The following EVC variants were observed in gnomAD, a reference collection of about 807,000 sequenced individuals.
EVC encodes the protein evC complex member EVC.
Under a neutral mutation model 118.9 loss-of-function variants are expected in EVC, and 116 were observed. That is an observed-to-expected ratio of 0.98 (90% CI 0.84 to 1.14). The LOEUF is 1.14. Ranked by LOEUF, EVC falls within the 50% of genes most tolerant of loss-of-function variation. The pLI is 0.00. For missense variants in EVC, 1,401 were observed against 1,246.4 expected, an observed-to-expected ratio of 1.12 and a Z score of -1.87; for synonymous variants, 619 against 534.7, an observed-to-expected ratio of 1.16 and a Z score of -2.18.
chr4:5,720,476 C>T lies in EVC; in HGVS notation c.300+1103C>T, dbSNP rs578115918. Among the ~76,000 whole-genome samples the T allele has an allele frequency of 1.3e-4, 20 of 152,206 alleles. No homozygotes were observed. In the South Asian group the frequency reaches 3.9e-3, roughly 30 times the overall value. ...AGTGCTGCGTCCCCACACCCAACTT[C>T]TAGCCTCTGCTCCTTTCCAACCTGT... On this transcript the variant is annotated intron_variant, in intron 2 of 20. Transcript: ENST00000264956.
At chr4:5,828,078 G>A in the EVC span, 1 of 985,414 alleles carries the variant, frequency 1.0e-6, no homozygotes, top group Non-Finnish European at 1.2e-6. Context: ...TTGCTCCACA[G>A]GGCCAGACCC....
chr4:5,748,354 G>A, intron 8 of EVC, 48 bp downstream of exon 8: 1 of 1,605,848 alleles, frequency 6.2e-7, no homozygotes, highest in Non-Finnish European at 8.5e-7. Flanking sequence ...TCAGACTAGA[G>A]ATATGGAATC....
At chr4:5,741,628 A>G in intron 5 of EVC, 88 bp from the exon 6 acceptor site, 1 of 723,628 alleles carries the variant, frequency 1.4e-6, no homozygotes, top group Non-Finnish European at 2.5e-6. Context: ...GCAGTGGGGG[A>G]GGGAGGGAGA....
At chr4:5,740,867 C>T (rs764205915) in intron 5 of EVC, among the ~76,000 whole-genome samples, 2 of 152,122 alleles carry the variant, frequency 1.3e-5, no homozygotes, top group African/African-American at 2.4e-5. Flanking sequence ...GCATGAAAAT[C>T]CAAGTTGAAC....
intron 8 of EVC, chr4:5,752,630 C>A: frequency 4.6e-6 from 3 of 655,754 alleles, no homozygotes; most frequent in East Asian, 2.7e-5. Context: ...CCTCCCCGCA[C>A]CCTAGGAGAG....
At chr4:5,772,547 A>G (rs891704887) in intron 11 of EVC, among the ~76,000 whole-genome samples, 3 of 151,780 alleles carry the variant, frequency 2.0e-5, no homozygotes, top group Admixed American at 6.5e-5. Context: ...GAAGTCCAAC[A>G]TCCTTAATCT....
intron 11 of EVC, among the ~76,000 whole-genome samples, chr4:5,769,430 C>T (rs1262324842): frequency 6.6e-6 from 1 of 152,052 alleles, no homozygotes; most frequent in Non-Finnish European, 1.5e-5. Context: ...CATATCATAA[C>T]CTAATGGTTC....
In EVC at chr4:5,749,674, T is replaced by C. The variant is rs16837625; in HGVS notation, c.1098+1368T>C. On this transcript the variant is annotated intron_variant, in intron 8 of 20. Transcript: ENST00000264956. The surrounding 1 kb of genome is among the most constrained non-coding windows in gnomAD (Gnocchi z 4.4). ...TCATCCTGTGTGCGCCAGTGTGTAC[T>C]AGGGCCAGGGAACGAGCCCTCTGAT... Among the ~76,000 whole-genome samples, 752 of 152,278 alleles carry C rather than the reference T, an allele frequency of 4.9e-3. 21 individuals carry two copies. In the East Asian group the frequency reaches 0.081, roughly 16 times the overall value.
intron 4 of EVC, among the ~76,000 whole-genome samples, chr4:5,733,136 A>T (rs1472723766): frequency 6.6e-6 from 1 of 152,134 alleles, no homozygotes; most frequent in African/African-American, 2.4e-5. Flanking sequence ...TGTCTCTGAC[A>T]CCAACTGTTC....
At chr4:5,824,244 C>A in the EVC span, 1 of 973,118 alleles carries the variant, frequency 1.0e-6, no homozygotes, top group Non-Finnish European at 1.2e-6. Flanking sequence ...AGCTTTTTCC[C>A]AGGATGAAGC....
Position 5,761,941 on chromosome 4 carries a change from G to A in EVC, c.1563+5579G>A, listed in dbSNP as rs940401246. Among the ~76,000 whole-genome samples the A allele has an allele frequency of 2.7e-4, 41 of 151,266 alleles. 2 individuals carry two copies. Among genetic ancestry groups the A allele is most frequent in the Non-Finnish European group, 1.0e-4 (7 of 67,946 alleles). ...TTATTATTTAAGTTTTAGGGTACAT[G>A]TGCACAATGTGCAGGTTAGTTACAT... On this transcript the variant is annotated intron_variant, in intron 11 of 20. Coordinates refer to ENST00000264956, the MANE Select transcript of EVC (RefSeq NM_153717.3).
Position 5,731,546 on chromosome 4 carries a change from A to T in EVC, c.506A>T (p.Lys169Met), listed in dbSNP as rs1184442129. 6.2e-7 allele frequency: 1 copy of T among 1,614,076 alleles called. No individual in the cohort carries two copies. The highest frequency in any genetic ancestry group is 1.7e-5 in the Admixed American group (1 of 60,004). ...SSLGSLSQGE[K>M]DDCSSSSSVH... is the part of the protein sequence containing the mutation. ...CTGGGGAGCCTGAGCCAGGGTGAGA[A>T]GGACGACTGCAGCTCCTCATCCAGC... Residue 169 changes from lysine to methionine, a missense_variant, in exon 4 of 21, where the codon AAG becomes ATG. Coordinates refer to ENST00000264956, the MANE Select transcript of EVC (RefSeq NM_153717.3). This position sits in a 1 kb window ranked among gnomAD's most constrained non-coding sequence, Gnocchi z 5.6.
chr4:5,752,920 T>G lies in EVC; in HGVS notation c.1183T>G (p.Cys395Gly). Residue 395 changes from cysteine to glycine, a missense_variant, in exon 9 of 21, where the codon TGC becomes GGC. Physicochemically the swap from Cys to Gly is radical, Grantham distance 159. Coordinates refer to ENST00000264956, the MANE Select transcript of EVC (RefSeq NM_153717.3). ...GCTGCAAGTCCAGGAGGAGACCAGG[T>G]GCCGGCTGGCTGCCATCTCCCACGG... ...LKLQVQEETR[C>G]RLAAISHGLE... The G allele has an allele frequency of 6.2e-7, 1 of 1,614,140 alleles. No individual in the cohort carries two copies. The highest frequency in any genetic ancestry group is 8.5e-7 in the Non-Finnish European group (1 of 1,180,028).
intron 11 of EVC, among the ~76,000 whole-genome samples, chr4:5,767,121 A>G (rs1353269620): frequency 6.6e-6 from 1 of 151,324 alleles, no homozygotes; most frequent in Non-Finnish European, 1.5e-5. Context: ...CTTCTAACAG[A>G]CAGGACCCTC....
intron 11 of EVC, among the ~76,000 whole-genome samples, chr4:5,775,244 C>A (rs568620931): frequency 0.021 from 3,240 of 152,218 alleles, 110 homozygotes; most frequent in African/African-American, 0.067. Context: ...AGTGTTTTTA[C>A]TGTGAAATAT....
chr4:5,758,164 G>A (rs1213850187), intron 11 of EVC: 14 of 701,228 alleles, frequency 2.0e-5, no homozygotes, highest in East Asian at 2.7e-5. Context: ...GCCACAAGCC[G>A]AGGAACACCT....
intron 16 of EVC, among the ~76,000 whole-genome samples, chr4:5,804,256 T>A (rs1352865974): frequency 1.3e-5 from 2 of 152,152 alleles, no homozygotes; most frequent in African/African-American, 2.4e-5. Flanking sequence ...CTTTTAAAGC[T>A]TTTAAAAGCC....
chr4:5,719,033 G>A lies in EVC; in HGVS notation c.175-215G>A, dbSNP rs776879615. Among the ~76,000 whole-genome samples the A allele has an allele frequency of 6.6e-6, 1 of 152,156 alleles. No individual in the cohort carries two copies. The highest frequency in any genetic ancestry group is 1.5e-5 in the Non-Finnish European group (1 of 68,032). ...TGGAGGCCTTAGGGGAACCGCTCAG[G>A]AAGGTGACCTGTGCAGTCTTGAAGG... On this transcript the variant is annotated intron_variant, in intron 1 of 20. Coordinates refer to ENST00000264956, the MANE Select transcript of EVC (RefSeq NM_153717.3). This position sits in a 1 kb window ranked among gnomAD's most constrained non-coding sequence, Gnocchi z 4.7.
chr4:5,716,105 G>A (rs1435755474), intron 1 of EVC, among the ~76,000 whole-genome samples: 1 of 152,194 alleles, frequency 6.6e-6, no homozygotes, highest in Non-Finnish European at 1.5e-5. Flanking sequence ...AGTAAGACCA[G>A]ATAGCGACAC....
Sources: allele counts gnomAD v4.1 joint callset (sites outside exome capture counted in the v4.1 genomes callset), GRCh38; gene constraint gnomAD v4.1.1; non-coding constraint Gnocchi (gnomAD v3.1); transcripts MANE v1.5; gene names NCBI Gene and HGNC (gene_info 2026-07-23, HGNC 2026-07-21).